Variants in HHAT observed in about 807,000 individuals in gnomAD.
The protein encoded by HHAT is protein-cysteine N-palmitoyltransferase HHAT.
A neutral mutation model predicts 70.8 loss-of-function variants in HHAT; 47 were observed. The ratio of observed to expected loss-of-function variants is 0.66; its 90% CI spans 0.53 to 0.85. The LOEUF is 0.85. Ranked by LOEUF, HHAT falls within the 40% of genes least tolerant of loss-of-function variation. HHAT has a pLI of 0.00. For missense variants in HHAT, 609 were observed against 604.8 expected (o/e 1.01, Z -0.07); for synonymous variants, 228 against 247.6 (o/e 0.92, Z 0.74).
intron 2 of HHAT, among the ~76,000 whole-genome samples, chr1:210,361,357 G>A (rs1459483261): frequency 1.3e-5 from 2 of 152,212 alleles, no homozygotes; most frequent in Non-Finnish European, 2.9e-5. Context: ...GGTCTTGCGT[G>A]CAGCTGTCAC....
chr1:210,527,368 A>G (rs12121595), intron 9 of HHAT, among the ~76,000 whole-genome samples: 34,244 of 151,976 alleles, frequency 0.23, 4,103 homozygotes, highest in Middle Eastern at 0.3. Context: ...GACCAGCTTA[A>G]CAGCTTCATG....
intron 9 of HHAT, among the ~76,000 whole-genome samples, chr1:210,552,639 C>T (rs550152499): frequency 3.9e-5 from 6 of 152,320 alleles, no homozygotes; most frequent in Non-Finnish European, 8.8e-5. Context: ...GTCAAGGGAA[C>T]TGGATGTTTA....
At chr1:210,508,775 G>A (rs1474486176) in intron 8 of HHAT, among the ~76,000 whole-genome samples, 3 of 152,162 alleles carry the variant, frequency 2.0e-5, no homozygotes, top group East Asian at 1.9e-4. Context: ...AAACTAATCC[G>A]AGTTATAGAA....
intron 3 of HHAT, among the ~76,000 whole-genome samples, chr1:210,375,183 T>C (rs777414813): frequency 2.0e-5 from 3 of 152,218 alleles, no homozygotes; most frequent in African/African-American, 7.2e-5. Context: ...ATACAGAACC[T>C]TGAAGAGCTA....
At chr1:210,425,970 A>G (rs1037208452) in intron 7 of HHAT, among the ~76,000 whole-genome samples, 1 of 152,166 alleles carries the variant, frequency 6.6e-6, no homozygotes, top group African/African-American at 2.4e-5. Context: ...CTTCCCATCC[A>G]TGAGCATGGA....
At chr1:210,541,046 G>GC (rs1356909459) in intron 9 of HHAT, among the ~76,000 whole-genome samples, 1 of 152,116 alleles carries the variant, frequency 6.6e-6, no homozygotes, top group Non-Finnish European at 1.5e-5. Flanking sequence ...TCACCCTGTT[G>GC]CCCAGTCTGG....
At chr1:210,644,877 T>C (rs1673713398) in intron 11 of HHAT, among the ~76,000 whole-genome samples, 1 of 152,056 alleles carries the variant, frequency 6.6e-6, no homozygotes, top group African/African-American at 2.4e-5. Context: ...CAGTAGGTGA[T>C]GTGGGTCTGC....
chr1:210,349,104 G>A (rs1558327160), intron 2 of HHAT, 38 bp downstream of exon 2: 1 of 1,597,904 alleles, frequency 6.3e-7, no homozygotes, highest in East Asian at 2.2e-5. Context: ...TATCAAACAA[G>A]GAAACTCCTG....
intron 3 of HHAT, chr1:210,374,371 C>CA (rs1224707899): frequency 6.6e-6 from 1 of 152,186 alleles, no homozygotes; most frequent in East Asian, 1.9e-4. Flanking sequence ...ACAGTTTGCA[C>CA]AAAAAGAATT....
intron 9 of HHAT, among the ~76,000 whole-genome samples, chr1:210,560,649 C>CAAAAAA (rs563941240): frequency 1.6e-5 from 2 of 124,874 alleles, no homozygotes; most frequent in African/African-American, 2.9e-5. Context: ...CCATCTCTAC[C>CAAAAAA]AAAAAAAAAA....
intron 11 of HHAT, among the ~76,000 whole-genome samples, chr1:210,637,641 A>G (rs918359505): frequency 2.0e-5 from 3 of 152,086 alleles, no homozygotes; most frequent in Admixed American, 6.5e-5. Flanking sequence ...GCAGGAGGAT[A>G]ATGAGGTCAA....
At chr1:210,347,612 T>TAGAGAATAGG (rs138660169) in intron 1 of HHAT, among the ~76,000 whole-genome samples, 2,747 of 152,322 alleles carry the variant, frequency 0.018, 82 homozygotes, top group African/African-American at 0.063. Flanking sequence ...AACTTTCCTA[T>TAGAGAATAGG]ACCTTCTCTA....
intron 6 of HHAT, among the ~76,000 whole-genome samples, chr1:210,409,202 G>T (rs1481079780): frequency 6.6e-6 from 1 of 152,158 alleles, no homozygotes; most frequent in Non-Finnish European, 1.5e-5. Flanking sequence ...CTGTGAGAGA[G>T]ATACTGTCAT....
intron 9 of HHAT, among the ~76,000 whole-genome samples, chr1:210,526,367 G>GTTTTGTTTTGTTTTTTTTTTTTTTTTTTT: frequency 1.4e-5 from 2 of 142,334 alleles, no homozygotes; most frequent in African/African-American, 2.6e-5. Context: ...AGTGGGTTCT[G>GTTTTGTTTTGTTTTTTTTTTTTTTTTTTT]TTTTTTTTTT....
intron 9 of HHAT, among the ~76,000 whole-genome samples, chr1:210,583,427 T>C (rs898743736): frequency 6.6e-6 from 1 of 152,186 alleles, no homozygotes. Context: ...CTTTCTTCCA[T>C]TGGGAAATCA....
intron 11 of HHAT, among the ~76,000 whole-genome samples, chr1:210,661,307 G>GA (rs1677657724): frequency 6.6e-6 from 1 of 152,154 alleles, no homozygotes; most frequent in South Asian, 2.1e-4. Context: ...ACAGACACAT[G>GA]AAAAAATGCT....
intron 9 of HHAT, among the ~76,000 whole-genome samples, chr1:210,583,858 C>G (rs1207020544): frequency 2.0e-5 from 3 of 151,616 alleles, no homozygotes; most frequent in Non-Finnish European, 4.4e-5. Context: ...AACATGTCCT[C>G]CTTGGAGTTG....
At chr1:210,576,872 A>G (rs11588653) in intron 9 of HHAT, among the ~76,000 whole-genome samples, 32,226 of 152,044 alleles carry the variant, frequency 0.21, 3,549 homozygotes, top group Non-Finnish European at 0.24. Flanking sequence ...ATGGTTTTCA[A>G]TGTACAAATC....
At chr1:210,523,600 T>TTGTGTGTG (rs60537364) in intron 9 of HHAT, among the ~76,000 whole-genome samples, 1 of 151,478 alleles carries the variant, frequency 6.6e-6, no homozygotes, top group Non-Finnish European at 1.5e-5. Flanking sequence ...TAAATATAGC[T>TTGTGTGTG]TGTGTGTGTG....
Sources: allele counts gnomAD v4.1 joint callset (sites outside exome capture counted in the v4.1 genomes callset), GRCh38; gene constraint gnomAD v4.1.1; transcripts MANE v1.5; gene names NCBI Gene and HGNC (gene_info 2026-07-23, HGNC 2026-07-21).